The following JOSD1 variants were observed in gnomAD, a reference collection of about 807,000 sequenced individuals.
The protein encoded by JOSD1 is Josephin domain containing 1.
Under a neutral mutation model 24.3 loss-of-function variants are expected in JOSD1, and 11 were observed. That is an observed-to-expected ratio of 0.45 (90% CI 0.29 to 0.75). The LOEUF is 0.75. Among genes scored for constraint, JOSD1 ranks in the 30% least tolerant of loss-of-function variants. JOSD1 has a pLI of 0.11. For synonymous variants in JOSD1, 106 were observed against 93.8 expected, an observed-to-expected ratio of 1.13 and a Z score of -0.75; for missense variants, 184 against 253.5, an observed-to-expected ratio of 0.73 and a Z score of 1.86.
At chr22:38,689,194 A>T in intron 3 of JOSD1, 65 bp from the exon 4 acceptor site, 1 of 1,601,244 alleles carries the variant, frequency 6.2e-7, no homozygotes, top group Non-Finnish European at 8.5e-7. Context: ...TGGCTGTAAT[A>T]CCACAACTGG....
Position 38,699,783 on chromosome 22 carries a change from C to T in JOSD1, c.185+20G>A. The T allele has an allele frequency of 6.2e-7, 1 of 1,611,802 alleles. No individual in the cohort carries two copies. Among genetic ancestry groups the T allele is most frequent in the South Asian group, 1.1e-5 (1 of 91,008 alleles). ...TCCAGAAATATCAGTATCAAGATGC[C>T]AAGGAGAAGGGTCCCCTACCTCTGG... On this transcript the variant is annotated intron_variant, in intron 2 of 4. Transcript: ENST00000683374.
rs759684001 is a variant in JOSD1 at position 38,699,929 on chromosome 22, T to C, written c.59A>G (p.Gln20Arg). ...KAKSESLELPQAAPPQIYHEK... is the reference protein window; with the variant it reads ...KAKSESLELPRAAPPQIYHEK... ...ATGGTAGATTTGTGGGGGTGCTGCC[T>C]GGGGCAGCTCCAATGATTCAGATTT... The change falls in exon 2 of 5, where the codon CAG (glutamine) becomes CGG (arginine). Residue 20 changes from glutamine (Q) to arginine (R), a missense_variant. Coordinates refer to ENST00000683374, the MANE Select transcript of JOSD1 (RefSeq NM_001360236.2). The C allele has an allele frequency of 5.6e-6, 9 of 1,613,862 alleles. No individual in the cohort carries two copies. The highest frequency in any genetic ancestry group is 7.6e-6 in the Non-Finnish European group (9 of 1,179,868).
chr22:38,691,783 A>G (rs547342402), intron 2 of JOSD1, among the ~76,000 whole-genome samples: 305 of 152,254 alleles, frequency 2.0e-3, no homozygotes, highest in Non-Finnish European at 3.6e-3. Context: ...CCACCCAACC[A>G]TAAGTTTCTC....
chr22:38,699,898 T>C lies in JOSD1; in HGVS notation c.90A>G (p.Lys30=). Residue 30 remains lysine, a synonymous_variant, in exon 2 of 5, where the codon AAA becomes AAG. Transcript: ENST00000683374. ...GGAGGGCACAAAGCTCCCTGCGCTG[T>C]TTCTCATGGTAGATTTGTGGGGGTG... is the stretch of plus-strand genomic sequence containing the variant. ...QAAPPQIYHE[K]QRRELCALHA... The C allele has an allele frequency of 6.2e-7, 1 of 1,614,222 alleles. No homozygotes were observed. The highest frequency in any genetic ancestry group is 8.5e-7 in the Non-Finnish European group (1 of 1,180,022).
chr22:38,696,359 T>A (rs921410079), intron 2 of JOSD1, among the ~76,000 whole-genome samples: 1 of 152,024 alleles, frequency 6.6e-6, no homozygotes, highest in Non-Finnish European at 1.5e-5. Context: ...TGCCTCAGTT[T>A]CCCGAGTAGC....
At chr22:38,695,446 T>A (rs1385050284) in intron 2 of JOSD1, among the ~76,000 whole-genome samples, 531 of 23,342 alleles carry the variant, frequency 0.023, 9 homozygotes, top group Middle Eastern at 0.071. Flanking sequence ...TTTGCCTAGT[T>A]TTTTTTTTTT....
At chr22:38,688,670 TAGAG>T (rs1181580267) in intron 4 of JOSD1, among the ~76,000 whole-genome samples, 9 of 152,144 alleles carry the variant, frequency 5.9e-5, no homozygotes, top group South Asian at 2.1e-4. Flanking sequence ...TTGTCTTAAA[TAGAG>T]AGAACGTTAC....
intron 1 of JOSD1, 38 bp from the exon 2 acceptor site, chr22:38,700,656 G>A: frequency 1.0e-6 from 1 of 983,144 alleles, no homozygotes. Flanking sequence ...GCGGCGAGCG[G>A]GCGCGGGAAG....
chr22:38,699,412 G>A (rs2092558160), intron 2 of JOSD1, among the ~76,000 whole-genome samples: 1 of 152,216 alleles, frequency 6.6e-6, no homozygotes. Context: ...CTCCTCGGCA[G>A]CAGAGCTTTA....
intron 2 of JOSD1, 30 bp from the exon 3 acceptor site, chr22:38,689,454 C>T (rs1188053049): frequency 2.5e-6 from 4 of 1,612,944 alleles, no homozygotes; most frequent in Non-Finnish European, 2.5e-6. Context: ...AGGGCTGAGA[C>T]TTGCTGGATG....
chr22:38,689,200 A>G (rs1446227466), intron 3 of JOSD1, 71 bp from the exon 4 acceptor site: 1 of 1,601,316 alleles, frequency 6.2e-7, no homozygotes, highest in Non-Finnish European at 8.5e-7. Flanking sequence ...TAATACCACA[A>G]CTGGCTACCT....
chr22:38,689,432 T>C lies in JOSD1; in HGVS notation c.186-8A>G. ...ATGGTGTTTGGAGACAACCTACCAA[T>C]GTGAAAAGAGGAGGGCTGAGACTTG... On this transcript the variant is annotated splice_polypyrimidine_tract_variant and splice_region_variant and intron_variant, in intron 2 of 4. Coordinates refer to ENST00000683374, the MANE Select transcript of JOSD1 (RefSeq NM_001360236.2). The C allele has an allele frequency of 1.2e-6, 2 of 1,614,158 alleles. No homozygotes were observed. The highest frequency in any genetic ancestry group is 1.7e-6 in the Non-Finnish European group (2 of 1,180,028).
At chr22:38,692,679 G>A (rs1218244169) in intron 2 of JOSD1, among the ~76,000 whole-genome samples, 1 of 151,044 alleles carries the variant, frequency 6.6e-6, no homozygotes, top group Non-Finnish European at 1.5e-5. Flanking sequence ...TACTCGGGAG[G>A]CTGAGGCAGG....
rs1263221581 is a variant in JOSD1, at chr22:38,700,482, C to T, written c.-495G>A. ...TAAATTTAGCGCACGAGTCGAGTAG[C>T]TAGCGCGGGCCGGCAGGCGTGGGAC... is the stretch of plus-strand genomic sequence containing the variant. On this transcript the variant is annotated 5_prime_UTR_variant, in exon 2 of 5. The change abolishes the stop of an existing upstream ORF in the 5' untranslated region. Coordinates refer to ENST00000683374, the MANE Select transcript of JOSD1 (RefSeq NM_001360236.2). The T allele has an allele frequency of 4.1e-6, 4 of 986,194 alleles. No individual in the cohort carries two copies. The highest frequency in any genetic ancestry group is 9.3e-5 in the South Asian group (2 of 21,464). 61.1% of individuals were successfully genotyped at this position (986,194 alleles called of 1,614,324 possible). A position where few individuals can be genotyped will look rare whatever the true frequency, so the allele number is the denominator to read the frequency against.
At chr22:38,689,248 T>TA in intron 3 of JOSD1, 48 bp downstream of exon 3, 1 of 1,612,776 alleles carries the variant, frequency 6.2e-7, no homozygotes, top group Non-Finnish European at 8.5e-7. Context: ...TAAAAGCTTA[T>TA]ACCACAACCG....
chr22:38,695,989 G>A (rs1486045723), intron 2 of JOSD1, among the ~76,000 whole-genome samples: 1 of 152,100 alleles, frequency 6.6e-6, no homozygotes, highest in Non-Finnish European at 1.5e-5. Context: ...CCAGAAGGCG[G>A]AGGCTGCAGT....
chr22:38,688,811 C>G (rs2092509267), intron 4 of JOSD1, 124 bp downstream of exon 4: 2 of 874,910 alleles, frequency 2.3e-6, no homozygotes, highest in East Asian at 4.9e-5. Context: ...GATTCTAAGG[C>G]AGGGAGAGAA....
Position 38,700,426 on chromosome 22 carries a change from A to C in JOSD1, c.-439T>G. ...CCATTTCTTTTGAACCACGACGCCA[A>C]TGACTCGGGAGACAAGGCCTGGGTG... is the stretch of plus-strand genomic sequence containing the variant. On this transcript the variant is annotated 5_prime_UTR_variant, in exon 2 of 5. Coordinates refer to ENST00000683374, the MANE Select transcript of JOSD1 (RefSeq NM_001360236.2). The C allele has an allele frequency of 1.0e-6, 1 of 987,834 alleles. No homozygotes were observed. The highest frequency in any genetic ancestry group is 1.2e-6 in the Non-Finnish European group (1 of 831,422). The allele number at this position is 987,834 out of a possible 1,614,324, so 61.2% of individuals were successfully genotyped here.
In JOSD1 at chr22:38,699,969, T is replaced by C. The variant is rs200225904; in HGVS notation, c.19A>G (p.Lys7Glu). 3 of 1,609,082 alleles carry C rather than the reference T, an allele frequency of 1.9e-6. No homozygotes were observed. The highest frequency in any genetic ancestry group is 1.1e-5 in the South Asian group (1 of 90,636). MSCVPW[K>E]GDKAKSESLE... is the part of the protein sequence containing the mutation. ...GATTCAGATTTGGCCTTGTCTCCTT[T>C]CCATGGCACACAACTCATGTTTTTT... is the stretch of plus-strand genomic sequence containing the variant. Residue 7 changes from lysine to glutamate, a missense_variant, in exon 2 of 5, where the codon AAA (lysine) becomes GAA (glutamate). By Grantham distance (56) the Lys-to-Glu change is moderately conservative. Transcript: ENST00000683374.
Sources: gnomAD v4.1 joint callset for allele counts (sites outside exome capture counted in the v4.1 genomes callset) on GRCh38, gnomAD v4.1.1 for gene constraint, MANE v1.5 for transcripts, NCBI Gene and HGNC (gene_info 2026-07-23, HGNC 2026-07-21) for gene names.